The following BPNT1 variants were observed in gnomAD, a reference collection of about 807,000 sequenced individuals.
The protein encoded by BPNT1 is 3'(2'), 5'-bisphosphate nucleotidase 1, also known as 3'(2'),5'-bisphosphate nucleotidase 1.
Under a neutral mutation model 36.9 loss-of-function variants are expected in BPNT1, and 28 were observed. That is an observed-to-expected ratio of 0.76 (90% confidence interval 0.56 to 1.04). The LOEUF (loss-of-function observed/expected upper bound fraction) is 1.04, where lower values mean the gene tolerates loss of function less well. Ranked by LOEUF, BPNT1 falls within the 50% of genes least tolerant of loss-of-function variation. The pLI is 0.00. For synonymous variants in BPNT1, 119 were observed against 130.9 expected (o/e 0.91, Z 0.62); for missense variants, 313 against 372.9 (o/e 0.84, Z 1.32).
chr1:220,067,513 G>A (rs1017471738), intron 5 of BPNT1, 120 bp from the exon 6 acceptor site: 14 of 578,040 alleles, frequency 2.4e-5, no homozygotes, highest in East Asian at 3.4e-5. Flanking sequence ...TGATTCATCC[G>A]TGATCAATCC....
chr1:220,059,136 G>T, intron 8 of BPNT1, 144 bp from the exon 9 acceptor site: 1 of 612,818 alleles, frequency 1.6e-6, no homozygotes, highest in Non-Finnish European at 2.6e-6. Flanking sequence ...TAAAGGTTAA[G>T]TTTTAATTCA....
chr1:220,079,693 A>T (rs1664925139), intron 2 of BPNT1, 34 bp downstream of exon 2: 1 of 1,611,720 alleles, frequency 6.2e-7, no homozygotes, highest in African/African-American at 1.3e-5. Context: ...AACAAAAATC[A>T]AGTTGGTATG....
At chr1:220,066,400 G>A (rs1016919750) in intron 6 of BPNT1, among the ~76,000 whole-genome samples, 1 of 151,870 alleles carries the variant, frequency 6.6e-6, no homozygotes, top group Non-Finnish European at 1.5e-5. Context: ...TAACTCTTTT[G>A]GTAAATCCTA....
At chr1:220,085,778 A>G (rs552914961) in intron 1 of BPNT1, among the ~76,000 whole-genome samples, 1 of 152,320 alleles carries the variant, frequency 6.6e-6, no homozygotes, top group Non-Finnish European at 1.5e-5. Flanking sequence ...AGTAGACAAG[A>G]AAAAAAGCTG....
In BPNT1 at chr1:220,062,767, G is replaced by C; in HGVS notation, c.662C>G (p.Ala221Gly). The change falls in exon 7 of 9, where the codon GCA becomes GGA. Residue 221 changes from alanine to glycine, a missense_variant. Coordinates refer to ENST00000322067, the MANE Select transcript of BPNT1 (RefSeq NM_006085.6). ...AGACATTTTTCATACCTTATTTCCT[G>C]CTCCTCCTACTCGCAGCACAGCATC... is the stretch of plus-strand genomic sequence containing the variant. ...NPDAVLRVGG[A>G]GNKIIQLIEG... 2 of 1,614,110 alleles carry C rather than the reference G, an allele frequency of 1.2e-6. No homozygotes were observed. The highest frequency in any genetic ancestry group is 1.7e-6 in the Non-Finnish European group (2 of 1,179,992).
chr1:220,064,768 A>G (rs1663380804), intron 6 of BPNT1, among the ~76,000 whole-genome samples: 1 of 152,132 alleles, frequency 6.6e-6, no homozygotes, highest in African/African-American at 2.4e-5. Context: ...CTGAGTTTAC[A>G]CTACAGGAGA....
chr1:220,086,177 G>C (rs1336001657), intron 1 of BPNT1, among the ~76,000 whole-genome samples: 1 of 152,144 alleles, frequency 6.6e-6, no homozygotes, highest in Non-Finnish European at 1.5e-5. Flanking sequence ...GAAATAAATT[G>C]CAGAAATAGA....
At position 220,058,246 on chromosome 1, in the gene BPNT1, G is replaced by T. The variant is rs773410037; in HGVS notation, c.*598C>A. The T allele has an allele frequency of 3.0e-6, 3 of 989,576 alleles. No individual in the cohort carries two copies. Among genetic ancestry groups the T allele is most frequent in the Non-Finnish European group, 3.6e-6 (3 of 831,988 alleles). The allele number at this position is 989,576 out of a possible 1,614,324, so 61.3% of individuals were successfully genotyped here. On this transcript the variant is annotated 3_prime_UTR_variant, in exon 9 of 9. Transcript: ENST00000322067. ...TGAACATTGACCTGAACTGTCAATT[G>T]GAACTAAAGCTTTTTCTCATTTCTC... is the stretch of plus-strand genomic sequence containing the variant.
intron 3 of BPNT1, 59 bp from the exon 4 acceptor site, chr1:220,073,016 T>C: frequency 4.6e-6 from 6 of 1,307,346 alleles, no homozygotes; most frequent in Non-Finnish European, 6.6e-6. Context: ...AGAGTATGCT[T>C]TGTCTCATTA....
At chr1:220,074,531 C>T (rs1165034581) in intron 2 of BPNT1, among the ~76,000 whole-genome samples, 1 of 151,598 alleles carries the variant, frequency 6.6e-6, no homozygotes, top group African/African-American at 2.4e-5. Flanking sequence ...GAGTCTTGCT[C>T]TGTCACTGGG....
At chr1:220,059,937 T>G in intron 7 of BPNT1, 146 bp from the exon 8 acceptor site, 1 of 574,972 alleles carries the variant, frequency 1.7e-6, no homozygotes, top group Non-Finnish European at 3.0e-6. Flanking sequence ...TTAAAGCTTT[T>G]AGCAGGTTTA....
chr1:220,071,143 A>G (rs1664028341), intron 4 of BPNT1, among the ~76,000 whole-genome samples: 1 of 151,212 alleles, frequency 6.6e-6, no homozygotes, highest in Non-Finnish European at 1.5e-5. Flanking sequence ...TACAGGCGTG[A>G]GCCACCATGC....
At chr1:220,074,218 T>G in intron 2 of BPNT1, 147 bp from the exon 3 acceptor site, 1 of 653,850 alleles carries the variant, frequency 1.5e-6, no homozygotes, top group Non-Finnish European at 2.5e-6. Context: ...ACTGGTTTCT[T>G]GCCTTGGTTT....
chr1:220,077,363 G>C (rs1353539976), intron 2 of BPNT1, among the ~76,000 whole-genome samples: 1 of 151,800 alleles, frequency 6.6e-6, no homozygotes, highest in Non-Finnish European at 1.5e-5. Flanking sequence ...AAGGAAATGA[G>C]ATTTATTTCA....
Position 220,072,912 on chromosome 1 carries a change from G to A in BPNT1, c.271C>T (p.Gln91Ter). The A allele has an allele frequency of 6.2e-7, 1 of 1,614,122 alleles. No homozygotes were observed. ...GGTTGCTTCAGTATTTCTTCCCACT[G>A]ACTGTCTTCAATCAGCTCTTGATCC... Reference protein sequence around the residue: ...EVDQELIEDSQWEEILKQPCP... With the variant: ...EVDQELIEDS Residue 91 changes from glutamine (Q) to a stop codon, truncating the protein, a stop_gained, in exon 4 of 9, where the codon CAG becomes TAG. Coordinates refer to ENST00000322067, the MANE Select transcript of BPNT1 (RefSeq NM_006085.6). LOFTEE classifies it high-confidence loss of function.
chr1:220,063,221 GCCTGTAGT>G (rs1334125565), intron 6 of BPNT1, among the ~76,000 whole-genome samples: 2 of 152,114 alleles, frequency 1.3e-5, no homozygotes, highest in African/African-American at 2.4e-5. Flanking sequence ...GGTGGTGGGT[GCCTGTAGT>G]CCCAGCTACT....
chr1:220,071,892 G>A (rs1571762835), intron 4 of BPNT1, among the ~76,000 whole-genome samples: 1 of 151,664 alleles, frequency 6.6e-6, no homozygotes, highest in East Asian at 2.0e-4. Flanking sequence ...TCTCCATGTT[G>A]GTCAGGCTGG....
At chr1:220,081,568 C>T (rs1196468696) in intron 1 of BPNT1, among the ~76,000 whole-genome samples, 1 of 151,894 alleles carries the variant, frequency 6.6e-6, no homozygotes, top group Non-Finnish European at 1.5e-5. Context: ...AATATGAATT[C>T]AAATCCCGAA....
At chr1:220,065,155 T>C (rs554558122) in intron 6 of BPNT1, among the ~76,000 whole-genome samples, 31 of 152,092 alleles carry the variant, frequency 2.0e-4, no homozygotes, top group African/African-American at 7.5e-4. Flanking sequence ...TGGAAAAAAA[T>C]AAAGGAAAGA....
Sources: allele counts gnomAD v4.1 joint callset (sites outside exome capture counted in the v4.1 genomes callset), GRCh38; gene constraint gnomAD v4.1.1; transcripts MANE v1.5; gene names NCBI Gene and HGNC (gene_info 2026-07-23, HGNC 2026-07-21).